ACOT11: variants seen among roughly 807,000 people sequenced by gnomAD.
The protein encoded by ACOT11 is acyl-CoA thioesterase 11, also known as acyl-coenzyme A thioesterase 11.
In ACOT11, 69 loss-of-function variants were observed where a neutral mutation model predicts 77.5. The ratio of observed to expected loss-of-function variants is 0.89; its 90% CI spans 0.73 to 1.09. The LOEUF is 1.09. ACOT11 is among the 50% of genes least tolerant of loss of function. The pLI is 0.00. For synonymous variants in ACOT11, 279 were observed against 313.0 expected, an observed-to-expected ratio of 0.89 and a Z score of 1.15; for missense variants, 766 against 813.7, an observed-to-expected ratio of 0.94 and a Z score of 0.71.
rs34887912 is a variant in ACOT11 at position 54,572,569 on chromosome 1, AG to A, written c.34-12077del. The stretch of plus-strand genomic sequence containing the variant: ...GGGTGCTGTCAAAGCAGCTCCCCTG[AG>A]GGGGGGGGTCACACGGAAAGGGCGG... On this transcript the variant is annotated intron_variant, in intron 1 of 15. Transcript: ENST00000343744. Among the ~76,000 whole-genome samples the A allele has an allele frequency of 4.3e-3, 622 of 146,274 alleles. 3 individuals carry two copies. Among genetic ancestry groups the A allele is most frequent in the Admixed American group, 9.4e-3 (140 of 14,864 alleles).
rs191631870 is a variant in ACOT11 at position 54,597,544 on chromosome 1, A to G, written c.764+129A>G. 1.9e-3 allele frequency: 2,349 copies of G among 1,213,670 alleles called. 38 individuals carry two copies. The African/African-American group carries it at 0.032, about 16-fold the overall frequency. 75.2% of individuals were successfully genotyped at this position (1,213,670 alleles called of 1,614,324 possible). ...GGCTTCAGAAGCTTGGCTGTTCTGA[A>G]TCAGAGAAATGAATTTTTGTGAACT... On this transcript the variant is annotated intron_variant, in intron 7 of 15. Transcript: ENST00000343744.
At chr1:54,610,351 C>G, downstream of ACOT11, 5 of 1,583,752 alleles carry the variant, frequency 3.2e-6, no homozygotes, top group Non-Finnish European at 3.4e-6. Context: ...GGTACCTGCC[C>G]CAAGCAAAGG....
At chr1:54,565,935 C>G (rs543946028) in intron 1 of ACOT11, among the ~76,000 whole-genome samples, 1 of 152,306 alleles carries the variant, frequency 6.6e-6, no homozygotes, top group African/African-American at 2.4e-5. Flanking sequence ...CATTCTTTCC[C>G]TAATTCACTC....
chr1:54,563,012 G>A (rs1173815244), intron 1 of ACOT11, among the ~76,000 whole-genome samples: 26 of 149,240 alleles, frequency 1.7e-4, no homozygotes, highest in African/African-American at 4.7e-4. Context: ...GGTGGCGGCC[G>A]GGCAGAGGCT....
intron 15 of ACOT11, chr1:54,623,269 G>C: frequency 6.2e-7 from 1 of 1,603,470 alleles, no homozygotes; most frequent in Non-Finnish European, 8.5e-7. Context: ...CATGGGGGGA[G>C]GCACCTACCT....
At chr1:54,612,958 A>C (rs1313483561), downstream of ACOT11, among the ~76,000 whole-genome samples, 1 of 152,058 alleles carries the variant, frequency 6.6e-6, no homozygotes, top group Non-Finnish European at 1.5e-5. Context: ...CATAGACAGC[A>C]TCCCTTCCAG....
intron 15 of ACOT11, among the ~76,000 whole-genome samples, chr1:54,622,100 C>A (rs1004545822): frequency 2.0e-5 from 3 of 149,110 alleles, no homozygotes; most frequent in Non-Finnish European, 4.5e-5. Context: ...ATGGTGAAAC[C>A]CCGTCTCTAG....
Position 54,609,724 on chromosome 1 carries a change from A to G in ACOT11, c.*612A>G. 1 of 1,614,126 alleles carries G rather than the reference A, an allele frequency of 6.2e-7. No homozygotes were observed. The highest frequency in any genetic ancestry group is 2.2e-5 in the East Asian group (1 of 44,884). On this transcript the variant is annotated 3_prime_UTR_variant, in exon 16 of 16. Coordinates refer to ENST00000343744, the MANE Select transcript of ACOT11 (RefSeq NM_147161.4). ...CCCACACAGGCCAATGCAAGAGGCC[A>G]AGGCTGGAGAGGCGTGCCAGCAAGG...
intron 15 of ACOT11, among the ~76,000 whole-genome samples, chr1:54,623,860 C>G (rs976102424): frequency 1.2e-4 from 18 of 152,232 alleles, no homozygotes; most frequent in South Asian, 8.3e-4. Context: ...TCTGTTCTTT[C>G]CCTTTCTAAC....
At position 54,609,167 on chromosome 1, in the gene ACOT11, T is replaced by G. The variant is rs1617287; in HGVS notation, c.*55T>G. On this transcript the variant is annotated 3_prime_UTR_variant, in exon 16 of 16. Coordinates refer to ENST00000343744, the MANE Select transcript of ACOT11 (RefSeq NM_147161.4). Reference sequence around the variant, plus strand: ...CCCACTCCATCCTGTCCCCAAGGACTCACATACAGTGCCTGGAGAAAGCCA... The same window carrying G: ...CCCACTCCATCCTGTCCCCAAGGACGCACATACAGTGCCTGGAGAAAGCCA... 5.0e-6 allele frequency: 8 copies of G among 1,610,802 alleles called. No individual in the cohort carries two copies. Among genetic ancestry groups the G allele is most frequent in the Admixed American group, 1.7e-5 (1 of 59,774 alleles).
At chr1:54,608,144 C>A in intron 15 of ACOT11, 76 bp downstream of exon 15, 2 of 1,497,972 alleles carry the variant, frequency 1.3e-6, no homozygotes, top group Admixed American at 2.1e-5. Flanking sequence ...CTCAGCACTG[C>A]TGGGCTAGGA....
intron 1 of ACOT11, among the ~76,000 whole-genome samples, chr1:54,579,098 T>C (rs1654211603): frequency 6.6e-6 from 1 of 152,232 alleles, no homozygotes; most frequent in South Asian, 2.1e-4. Flanking sequence ...AGAATGAAGA[T>C]ATGATCTGAT....
chr1:54,570,820 A>G (rs567636819), intron 1 of ACOT11, among the ~76,000 whole-genome samples: 1 of 151,948 alleles, frequency 6.6e-6, no homozygotes, highest in African/African-American at 2.4e-5. Flanking sequence ...AGCTGGGATT[A>G]CAGGCACCCG....
intron 16 of ACOT11, among the ~76,000 whole-genome samples, chr1:54,633,114 G>T (rs1485509972): frequency 1.3e-5 from 2 of 152,194 alleles, no homozygotes; most frequent in African/African-American, 4.8e-5. Flanking sequence ...GAAAAACAAA[G>T]TTCCTGCTAA....
At chr1:54,598,373 T>C (rs1643913997) in intron 7 of ACOT11, 1 of 152,286 alleles carries the variant, frequency 6.6e-6, no homozygotes, top group Admixed American at 6.5e-5. Context: ...CCCAAAGCCC[T>C]GCTTTCTTCT....
At position 54,607,046 on chromosome 1, in the gene ACOT11, A is replaced by G. The variant is rs1644034276; in HGVS notation, c.1371-88A>G. ...ATCCCATCACAGAAGCTGCTCAGGCACTGCAGTGTGGCAGGGCCCGGGCAG... is the reference window on the plus strand; with the variant it reads ...ATCCCATCACAGAAGCTGCTCAGGCGCTGCAGTGTGGCAGGGCCCGGGCAG... On this transcript the variant is annotated intron_variant, in intron 13 of 15. Transcript: ENST00000343744. The surrounding 1 kb of genome is among the most constrained non-coding windows in gnomAD (Gnocchi z 4.5). 1 of 1,552,578 alleles carries G rather than the reference A, an allele frequency of 6.4e-7. No individual in the cohort carries two copies.
At chr1:54,585,130 C>G (rs1280122643) in intron 2 of ACOT11, among the ~76,000 whole-genome samples, 1 of 152,236 alleles carries the variant, frequency 6.6e-6, no homozygotes, top group Non-Finnish European at 1.5e-5. Flanking sequence ...TTCCACATGG[C>G]TGCTTCAGAT....
chr1:54,611,809 G>C (rs1644121894), downstream of ACOT11: 1 of 1,598,334 alleles, frequency 6.3e-7, no homozygotes, highest in African/African-American at 1.3e-5. Flanking sequence ...CCCCACTCCT[G>C]TGCTCAGAAC....
Position 54,594,705 on chromosome 1 carries a change from A to G in ACOT11, c.607+14A>G. ...CCATTCAGGGCGGTGAGCAGCTGCC[A>G]GCTGTGCATGGGGAGGGTAGCTGGC... On this transcript the variant is annotated intron_variant, in intron 6 of 15. Transcript: ENST00000343744. 1 of 1,604,360 alleles carries G rather than the reference A, an allele frequency of 6.2e-7. No homozygotes were observed.
Sources: allele counts gnomAD v4.1 joint callset (sites outside exome capture counted in the v4.1 genomes callset), GRCh38; gene constraint gnomAD v4.1.1; non-coding constraint Gnocchi (gnomAD v3.1); transcripts MANE v1.5; gene names NCBI Gene and HGNC (gene_info 2026-07-23, HGNC 2026-07-21).